GTF2E2: variants seen among roughly 807,000 people sequenced by gnomAD.
GTF2E2 encodes transcription initiation factor IIE subunit beta.
In GTF2E2, 21 loss-of-function variants were observed where a neutral mutation model predicts 40.5. That is an observed-to-expected ratio of 0.52 (90% CI 0.37 to 0.75). The LOEUF (loss-of-function observed/expected upper bound fraction) is 0.75. Among genes scored for constraint, GTF2E2 ranks in the 30% least tolerant of loss-of-function variants. The pLI is 0.00. For synonymous variants in GTF2E2, 117 were observed against 121.6 expected, an observed-to-expected ratio of 0.96 and a Z score of 0.25; for missense variants, 298 against 338.4, an observed-to-expected ratio of 0.88 and a Z score of 0.94.
chr8:30,636,801 C>T (rs76731803), intron 2 of GTF2E2: 3 of 283,606 alleles, frequency 1.1e-5, no homozygotes, highest in East Asian at 2.3e-4. Flanking sequence ...TGCAGTGAGC[C>T]GAGATAGTGC....
intron 7 of GTF2E2, 137 bp from the exon 8 acceptor site, chr8:30,579,174 G>A: frequency 3.0e-6 from 2 of 673,164 alleles, no homozygotes; most frequent in Admixed American, 2.0e-5. Flanking sequence ...CCACCCAGCA[G>A]CACACATGGG....
rs530472880 is a variant in GTF2E2, at chr8:30,625,733, G to C, written c.258+9299C>G. On this transcript the variant is annotated intron_variant, in intron 3 of 7. Transcript: ENST00000355904. ...TGTGCCTCAGCCTCCTGAGTAGCTGGGACTACAGCCATGCGCCATCACACC... is the reference window on the plus strand; with the variant it reads ...TGTGCCTCAGCCTCCTGAGTAGCTGCGACTACAGCCATGCGCCATCACACC... Among the ~76,000 whole-genome samples the C allele has an allele frequency of 2.6e-5, 4 of 152,212 alleles. No individual in the cohort carries two copies. The East Asian group carries it at 7.7e-4, about 29-fold the overall frequency.
chr8:30,610,433 G>C (rs1219587554), intron 5 of GTF2E2, among the ~76,000 whole-genome samples: 1 of 126,510 alleles, frequency 7.9e-6, no homozygotes, highest in Non-Finnish European at 1.6e-5. Flanking sequence ...GTGACAGTGT[G>C]ACTCTGTCTC....
At chr8:30,583,062 G>T (rs550070780) in intron 6 of GTF2E2, among the ~76,000 whole-genome samples, 1 of 152,182 alleles carries the variant, frequency 6.6e-6, no homozygotes, top group South Asian at 2.1e-4. Context: ...GGCTGGGCAC[G>T]GTGGCTCATG....
chr8:30,578,738 G>T lies in GTF2E2; in HGVS notation c.*183C>A. 1.9e-6 allele frequency: 1 copy of T among 522,994 alleles called. No homozygotes were observed. Among genetic ancestry groups the T allele is most frequent in the East Asian group, 3.3e-5 (1 of 29,960 alleles). 32.4% of individuals were successfully genotyped at this position (522,994 alleles called of 1,614,324 possible). Reference sequence around the variant, plus strand: ...GAAGGTTAACAGGGAACATCACATTGCCCATGAGCCCATTCTACTCAAATA... The same window carrying T: ...GAAGGTTAACAGGGAACATCACATTTCCCATGAGCCCATTCTACTCAAATA... On this transcript the variant is annotated 3_prime_UTR_variant, in exon 8 of 8. Coordinates refer to ENST00000355904, the MANE Select transcript of GTF2E2 (RefSeq NM_002095.6).
chr8:30,621,800 A>G (rs1801109753), intron 3 of GTF2E2, among the ~76,000 whole-genome samples: 1 of 151,892 alleles, frequency 6.6e-6, no homozygotes, highest in Admixed American at 6.6e-5. Context: ...TTCCTTTCCA[A>G]TTTTTATGTT....
intron 1 of GTF2E2, among the ~76,000 whole-genome samples, chr8:30,655,401 T>C (rs1802420308): frequency 1.3e-5 from 2 of 150,542 alleles, no homozygotes; most frequent in Admixed American, 1.4e-4. Context: ...AGAGGGTCTA[T>C]GAAGACCTCA....
intron 3 of GTF2E2, among the ~76,000 whole-genome samples, chr8:30,623,399 T>A (rs906526691): frequency 2.6e-5 from 4 of 152,248 alleles, no homozygotes; most frequent in East Asian, 3.9e-4. Context: ...GGCTGCATAG[T>A]ATTCCATGGT....
At chr8:30,602,428 C>A (rs1393462759) in intron 6 of GTF2E2, among the ~76,000 whole-genome samples, 1 of 152,050 alleles carries the variant, frequency 6.6e-6, no homozygotes, top group East Asian at 1.9e-4. Flanking sequence ...GTATGTGTAT[C>A]AGTAGGTTAT....
At chr8:30,639,295 C>T (rs1459387008) in intron 2 of GTF2E2, among the ~76,000 whole-genome samples, 1 of 152,158 alleles carries the variant, frequency 6.6e-6, no homozygotes, top group African/African-American at 2.4e-5. Context: ...ACTTCCTTAA[C>T]ATTTAATTAA....
At chr8:30,640,480 C>T (rs1232676247) in intron 2 of GTF2E2, among the ~76,000 whole-genome samples, 1 of 152,036 alleles carries the variant, frequency 6.6e-6, no homozygotes, top group Non-Finnish European at 1.5e-5. Flanking sequence ...AACTAAAACA[C>T]ATATGCTAAA....
At chr8:30,613,926 C>T (rs2979534) in intron 4 of GTF2E2, among the ~76,000 whole-genome samples, 122,484 of 152,202 alleles carry the variant, frequency 0.8, 50,139 homozygotes, top group African/African-American at 0.93. Context: ...ACAGCATTCG[C>T]GACTTTTTTT....
chr8:30,596,656 A>T (rs1450796159), intron 6 of GTF2E2, among the ~76,000 whole-genome samples: 2 of 151,892 alleles, frequency 1.3e-5, no homozygotes, highest in African/African-American at 4.8e-5. Context: ...TCCTGTCTCA[A>T]TAGTGTGTTG....
At chr8:30,617,940 T>TG (rs1800972257) in intron 3 of GTF2E2, among the ~76,000 whole-genome samples, 1 of 152,106 alleles carries the variant, frequency 6.6e-6, no homozygotes, top group Non-Finnish European at 1.5e-5. Context: ...GACACAAAAG[T>TG]GGGTACCTCG....
At chr8:30,626,335 T>C (rs529729614) in intron 3 of GTF2E2, among the ~76,000 whole-genome samples, 42 of 152,036 alleles carry the variant, frequency 2.8e-4, no homozygotes, top group African/African-American at 9.6e-4. Context: ...AAATACAAAA[T>C]TTAGCCGGGC....
chr8:30,658,099 A>T lies in GTF2E2; in HGVS notation c.-131T>A, dbSNP rs1422819130. 1 of 162,586 alleles carries T rather than the reference A, an allele frequency of 6.2e-6. No homozygotes were observed. The highest frequency in any genetic ancestry group is 2.4e-5 in the African/African-American group (1 of 41,298). The allele number at this position is 162,586 out of a possible 1,614,324, so 10.1% of individuals were successfully genotyped here. On this transcript the variant is annotated 5_prime_UTR_variant, in exon 1 of 8. Coordinates refer to ENST00000355904, the MANE Select transcript of GTF2E2 (RefSeq NM_002095.6). ...TCAGCGCCCCCGCCTGCCCGCACGC[A>T]CGCCCAGCGCTGACCCGCCAGGTCG...
chr8:30,643,932 T>C (rs1419622770), intron 2 of GTF2E2: 5 of 152,162 alleles, frequency 3.3e-5, no homozygotes, highest in African/African-American at 9.7e-5. Flanking sequence ...AGGTAATCAA[T>C]AAACATTTGT....
chr8:30,635,477 G>T lies in GTF2E2; in HGVS notation c.167-354C>A, dbSNP rs752010133. On this transcript the variant is annotated intron_variant, in intron 2 of 7. Transcript: ENST00000355904. ...AGCTCACTACACCCTCAACTTCCCA[G>T]GCTCAGGTGATTCTCCCACCTCAGC... Among the ~76,000 whole-genome samples, 105 of 151,984 alleles carry T rather than the reference G, an allele frequency of 6.9e-4. 2 individuals are homozygous for T. The highest frequency in any genetic ancestry group is 1.3e-4 in the Non-Finnish European group (9 of 68,000).
chr8:30,598,735 C>T (rs1025144051), intron 6 of GTF2E2, among the ~76,000 whole-genome samples: 1 of 152,178 alleles, frequency 6.6e-6, no homozygotes, highest in Non-Finnish European at 1.5e-5. Context: ...TTTAGAGGTA[C>T]AATCTCACAG....
Sources: allele counts gnomAD v4.1 joint callset (sites outside exome capture counted in the v4.1 genomes callset), GRCh38; gene constraint gnomAD v4.1.1; transcripts MANE v1.5; gene names NCBI Gene and HGNC (gene_info 2026-07-23, HGNC 2026-07-21).